MYH7B: variants seen among roughly 807,000 people sequenced by gnomAD.
MYH7B encodes myosin heavy chain 7B, also known as myosin-7B.
MYH7B carries 205 observed loss-of-function variants against 234.5 expected under a neutral mutation model. The ratio of observed to expected loss-of-function variants is 0.87; its 90% CI spans 0.78 to 0.98. The LOEUF is 0.98. MYH7B is among the 50% of genes least tolerant of loss of function. The probability of loss-of-function intolerance (pLI) is 0.00; values close to 1 mark genes in which losing one functional copy is unlikely to be tolerated. For synonymous variants in MYH7B, 1,193 were observed against 1,105.0 expected (o/e 1.08, Z -1.58); for missense variants, 2,652 against 2,633.4 (o/e 1.01, Z -0.15).
chr20:34,987,942 T>C, intron 18 of MYH7B, 28 bp downstream of exon 18: 1 of 1,568,750 alleles, frequency 6.4e-7, no homozygotes, highest in Middle Eastern at 1.9e-4. Context: ...CCTTGGCCTC[T>C]GTTCTCTCCA....
chr20:34,990,593 G>GGTCTCCCATCACCAGACGCT (rs2082127090), intron 22 of MYH7B, 145 bp from the exon 23 acceptor site: 2 of 782,450 alleles, frequency 2.6e-6, no homozygotes, highest in Non-Finnish European at 4.4e-6. Flanking sequence ...GACAGCGAAG[G>GGTCTCCCATCACCAGACGCT]GTCTCCCATC....
At position 34,999,919 on chromosome 20, in the gene MYH7B, T is replaced by C; in HGVS notation, c.4781+13T>C. On this transcript the variant is annotated intron_variant, in intron 38 of 44. Coordinates refer to ENST00000262873, the Ensembl canonical transcript of MYH7B. ...GCGCTAACCTGAGGTGTGTCCATCC[T>C]TCTCCCGTCCCCACCTCCCGAGAGC... The C allele has an allele frequency of 6.2e-7, 1 of 1,608,610 alleles. No individual in the cohort carries two copies. Among genetic ancestry groups the C allele is most frequent in the Non-Finnish European group, 8.5e-7 (1 of 1,176,330 alleles).
At chr20:34,971,609 G>A (rs913740251) in intron 2 of MYH7B, among the ~76,000 whole-genome samples, 5 of 152,246 alleles carry the variant, frequency 3.3e-5, no homozygotes, top group East Asian at 1.9e-4. Context: ...TGCCAGGGTC[G>A]TGGGCCCCTT....
chr20:34,996,769 T>C lies in MYH7B; in HGVS notation c.3266+11T>C. 6.2e-7 allele frequency: 1 copy of C among 1,606,114 alleles called. No homozygotes were observed. ...GGAGAAGCTCAAGAAGTAGGTGTGG[T>C]GGGGCAGCAGGTGGGGGCCTTCTGA... On this transcript the variant is annotated intron_variant, in intron 30 of 44. Coordinates refer to ENST00000262873, the Ensembl canonical transcript of MYH7B.
chr20:34,998,512 G>C, exon 34 of MYH7B: 1 of 1,613,380 alleles, frequency 6.2e-7, no homozygotes, highest in Non-Finnish European at 8.5e-7. Flanking sequence ...TGCCTGCAGG[G>C]GAGCTGAGTC....
chr20:34,964,756 A>C (rs2081728162), intron 2 of MYH7B, among the ~76,000 whole-genome samples: 1 of 152,184 alleles, frequency 6.6e-6, no homozygotes, highest in Non-Finnish European at 1.5e-5. Context: ...CCACCTCTAC[A>C]AAAAATTTTT....
chr20:34,997,299 C>T lies in MYH7B; in HGVS notation c.3406C>T (p.Arg1136Trp), dbSNP rs761007882. 133 of 1,554,270 alleles carry T rather than the reference C, an allele frequency of 8.6e-5. No homozygotes were observed. Among genetic ancestry groups the T allele is most frequent in the Non-Finnish European group, 1.1e-4 (127 of 1,150,432 alleles). ...GGAGCTGGAGGCAGAGCGGGCAGCC[C>T]GGGCCCGCGTGGAGAAGCAGCGTGC... The change falls in exon 32 of 45, where the codon CGG (arginine) becomes TGG (tryptophan). Residue 1136 changes from arginine (R) to tryptophan (W), a missense_variant. By Grantham distance (101) the Arg-to-Trp change is moderately radical. Around this residue, in one of 3 missense-constraint regions of MYH7B, gnomAD observed 2,279 missense variants for 2,211.4 expected, o/e 1.03. Transcript: ENST00000262873.
intron 14 of MYH7B, among the ~76,000 whole-genome samples, chr20:34,986,579 AG>A (rs750390181): frequency 6.6e-6 from 1 of 152,142 alleles, no homozygotes; most frequent in Admixed American, 6.5e-5. Context: ...TCTGGGCCAG[AG>A]GGGGCCATGA....
At chr20:34,956,436 C>A (rs561907192) in intron 1 of MYH7B, among the ~76,000 whole-genome samples, 12 of 152,150 alleles carry the variant, frequency 7.9e-5, no homozygotes, top group Admixed American at 6.5e-4. Flanking sequence ...TGATTCCTAC[C>A]CCCCACCTCA....
intron 2 of MYH7B, among the ~76,000 whole-genome samples, chr20:34,970,358 A>G (rs764104599): frequency 6.6e-6 from 1 of 152,194 alleles, no homozygotes; most frequent in East Asian, 1.9e-4. Context: ...GTGCCCTTGT[A>G]TAGGTCTGCT....
At position 34,981,075 on chromosome 20, in the gene MYH7B, C is replaced by T; in HGVS notation, c.527+15C>T. ...ATGCTGATCACGTGAGTGTGGGGCTCTGGGGGTGGGGTGGAAAATGCTGGC... is the reference window on the plus strand; with the variant it reads ...ATGCTGATCACGTGAGTGTGGGGCTTTGGGGGTGGGGTGGAAAATGCTGGC... On this transcript the variant is annotated intron_variant, in intron 9 of 44. Coordinates refer to ENST00000262873, the Ensembl canonical transcript of MYH7B. The T allele has an allele frequency of 6.2e-7, 1 of 1,613,570 alleles. No homozygotes were observed. Among genetic ancestry groups the T allele is most frequent in the Non-Finnish European group, 8.5e-7 (1 of 1,179,828 alleles).
At chr20:34,989,481 G>A (rs1451780686) in intron 19 of MYH7B, among the ~76,000 whole-genome samples, 1 of 152,176 alleles carries the variant, frequency 6.6e-6, no homozygotes, top group East Asian at 1.9e-4. Flanking sequence ...ATGCCAGCTT[G>A]GGTTTGCCAT....
intron 2 of MYH7B, among the ~76,000 whole-genome samples, chr20:34,960,255 A>T (rs2081681381): frequency 6.6e-6 from 1 of 151,796 alleles, no homozygotes; most frequent in African/African-American, 2.4e-5. Context: ...TGTTTTTTTG[A>T]GATGGAGTCT....
At chr20:34,965,015 C>A (rs771857404) in intron 2 of MYH7B, among the ~76,000 whole-genome samples, 1 of 152,156 alleles carries the variant, frequency 6.6e-6, no homozygotes, top group Non-Finnish European at 1.5e-5. Flanking sequence ...TAGGTATTAT[C>A]TCATTCAATT....
At chr20:34,992,472 T>C (rs919052252) in intron 24 of MYH7B, among the ~76,000 whole-genome samples, 8 of 152,048 alleles carry the variant, frequency 5.3e-5, no homozygotes, top group Non-Finnish European at 8.8e-5. Context: ...ATTTTTTGCC[T>C]TTAAAAAAAT....
intron 26 of MYH7B, among the ~76,000 whole-genome samples, chr20:34,993,851 C>T (rs1052397565): frequency 1.7e-4 from 26 of 152,244 alleles, no homozygotes; most frequent in Admixed American, 1.2e-3. Context: ...GTCAGAGATC[C>T]AGAGCTAGCT....
chr20:34,971,691 C>G (rs889859351), intron 2 of MYH7B, among the ~76,000 whole-genome samples: 1 of 152,328 alleles, frequency 6.6e-6, no homozygotes, highest in South Asian at 2.1e-4. Flanking sequence ...TGCCACCGGC[C>G]TCACCCCTTC....
intron 11 of MYH7B, 22 bp downstream of exon 11, chr20:34,984,737 A>G (rs761877662): frequency 1.6e-5 from 26 of 1,606,044 alleles, no homozygotes; most frequent in Middle Eastern, 1.7e-4. Flanking sequence ...GCCAATGTCA[A>G]TGGGGCAGCC....
At chr20:34,997,349 G>T in exon 32 of MYH7B, 1 of 1,539,288 alleles carries the variant, frequency 6.5e-7, no homozygotes. Flanking sequence ...AGCTGGAGGA[G>T]CTGAGCGAGC....
Sources: allele counts gnomAD v4.1 joint callset (sites outside exome capture counted in the v4.1 genomes callset), GRCh38; gene constraint gnomAD v4.1.1; regional missense constraint gnomAD v4.1.1; transcripts MANE v1.5; gene names NCBI Gene and HGNC (gene_info 2026-07-23, HGNC 2026-07-21).